The following STAG1 variants were observed in gnomAD, a reference collection of about 807,000 sequenced individuals.
STAG1 encodes the protein cohesin subunit SA-1.
In STAG1, 26 loss-of-function variants were observed where a neutral mutation model predicts 170.9. The observed-to-expected ratio is 0.15, with a 90% CI of 0.11 to 0.21. The LOEUF (loss-of-function observed/expected upper bound fraction) is 0.21. Among genes scored for constraint, STAG1 ranks in the 10% least tolerant of loss-of-function variants. The probability of loss-of-function intolerance (pLI) is 1.00; values close to 1 mark genes in which losing one functional copy is unlikely to be tolerated. For synonymous variants in STAG1, 514 were observed against 497.7 expected (o/e 1.03, Z -0.44); for missense variants, 964 against 1,509.5 (o/e 0.64, Z 5.99).
At chr3:136,740,783 C>T (rs940310194) in intron 1 of STAG1, among the ~76,000 whole-genome samples, 4 of 152,068 alleles carry the variant, frequency 2.6e-5, no homozygotes, top group African/African-American at 4.8e-5. Flanking sequence ...CCTAGCCAAG[C>T]GTTTTCTTAC....
chr3:136,590,337 A>C (rs550446039), intron 4 of STAG1, among the ~76,000 whole-genome samples: 14 of 151,220 alleles, frequency 9.3e-5, no homozygotes, highest in Non-Finnish European at 1.9e-4. Flanking sequence ...AATACACACA[A>C]AAAAAATTAG....
chr3:136,541,328 A>C (rs1226008817), intron 6 of STAG1, among the ~76,000 whole-genome samples: 1 of 152,168 alleles, frequency 6.6e-6, no homozygotes, highest in Non-Finnish European at 1.5e-5. Context: ...AGCCTAATAC[A>C]TAATATAAAT....
chr3:136,690,428 G>C (rs1292330583), intron 1 of STAG1, among the ~76,000 whole-genome samples: 2 of 152,206 alleles, frequency 1.3e-5, no homozygotes, highest in Non-Finnish European at 2.9e-5. Context: ...GTAGAGATGA[G>C]GTTTCACCAT....
chr3:136,481,540 T>TC (rs1160261194), intron 9 of STAG1, among the ~76,000 whole-genome samples: 1 of 108,808 alleles, frequency 9.2e-6, no homozygotes, highest in Non-Finnish European at 1.8e-5. Flanking sequence ...TCTAAAATTC[T>TC]CTTTTTTGGT....
At chr3:136,512,508 G>C (rs987015232) in intron 7 of STAG1, among the ~76,000 whole-genome samples, 1 of 152,026 alleles carries the variant, frequency 6.6e-6, no homozygotes, top group African/African-American at 2.4e-5. Context: ...ATTCATTTTG[G>C]AAGTCCAGAC....
At chr3:136,728,370 G>A (rs1933807908) in intron 1 of STAG1, among the ~76,000 whole-genome samples, 1 of 151,992 alleles carries the variant, frequency 6.6e-6, no homozygotes, top group South Asian at 2.1e-4. Context: ...TGCATTTGTG[G>A]GTATGGGGAA....
intron 22 of STAG1, among the ~76,000 whole-genome samples, chr3:136,389,460 T>A (rs2086952302): frequency 6.6e-6 from 1 of 151,976 alleles, no homozygotes; most frequent in African/African-American, 2.4e-5. Context: ...ACTTGGCTAA[T>A]TTTTTTGTAT....
intron 6 of STAG1, among the ~76,000 whole-genome samples, chr3:136,535,315 C>T (rs193201816): frequency 1.3e-5 from 2 of 152,210 alleles, no homozygotes; most frequent in African/African-American, 2.4e-5. Context: ...TTCTAATGTT[C>T]GATAGCAGGC....
At chr3:136,626,032 GAAAGAGTAGAACTCTGTCTCA>G (rs1179880803) in intron 2 of STAG1, among the ~76,000 whole-genome samples, 1 of 148,678 alleles carries the variant, frequency 6.7e-6, no homozygotes, top group Non-Finnish European at 1.5e-5. Flanking sequence ...CAGCCTGGGC[GAAAGAGTAGAACTCTGTCTCA>G]AAAACAAACA....
At chr3:136,480,726 C>A (rs2089883215) in intron 9 of STAG1, among the ~76,000 whole-genome samples, 1 of 65,246 alleles carries the variant, frequency 1.5e-5, no homozygotes. Context: ...GAATGTTCTT[C>A]CATTTGTTTG....
At chr3:136,536,395 T>C (rs187209433) in intron 6 of STAG1, among the ~76,000 whole-genome samples, 3 of 152,230 alleles carry the variant, frequency 2.0e-5, no homozygotes, top group Admixed American at 2.0e-4. Flanking sequence ...TTCCCAGACA[T>C]TTCAGTATCA....
At chr3:136,704,018 TAACA>T (rs1943153135) in intron 1 of STAG1, among the ~76,000 whole-genome samples, 2 of 147,626 alleles carry the variant, frequency 1.4e-5, no homozygotes, top group African/African-American at 2.5e-5. Flanking sequence ...TCTCAAAAAC[TAACA>T]AACAAAAAAA....
chr3:136,585,477 G>C (rs1937770150), intron 4 of STAG1, among the ~76,000 whole-genome samples: 1 of 151,728 alleles, frequency 6.6e-6, no homozygotes, highest in Non-Finnish European at 1.5e-5. Flanking sequence ...AAATTATCTG[G>C]GCATGGTGGC....
chr3:136,509,539 G>A (rs897467734), intron 7 of STAG1, among the ~76,000 whole-genome samples: 8 of 151,988 alleles, frequency 5.3e-5, no homozygotes, highest in Non-Finnish European at 1.2e-4. Flanking sequence ...GGAAGTTGAC[G>A]GTATGAAGGA....
intron 1 of STAG1, among the ~76,000 whole-genome samples, chr3:136,702,123 CAGAGAG>C (rs1408345782): frequency 1.8e-5 from 1 of 55,672 alleles, no homozygotes; most frequent in Non-Finnish European, 4.2e-5. Flanking sequence ...GAGAGAGAGA[CAGAGAG>C]ACAGAGAGAC....
At chr3:136,464,660 C>T (rs893353322) in intron 13 of STAG1, among the ~76,000 whole-genome samples, 3 of 150,528 alleles carry the variant, frequency 2.0e-5, no homozygotes, top group African/African-American at 7.3e-5. Context: ...GAGAATCATC[C>T]TCTCAGATTT....
At chr3:136,742,890 A>G (rs547809658) in intron 1 of STAG1, among the ~76,000 whole-genome samples, 1 of 152,304 alleles carries the variant, frequency 6.6e-6, no homozygotes, top group South Asian at 2.1e-4. Context: ...TGTATTTATT[A>G]GAAAACAAAA....
In STAG1 at chr3:136,597,837, C is replaced by T. The variant is rs184889859; in HGVS notation, c.297+6472G>A. Among the ~76,000 whole-genome samples the T allele has an allele frequency of 2.9e-3, 446 of 151,356 alleles. 14 individuals are homozygous for T. The highest frequency in any genetic ancestry group is 0.029 in the Admixed American group (445 of 15,142). On this transcript the variant is annotated intron_variant, in intron 4 of 33. Transcript: ENST00000383202. ...GGCTAGGTGTTCCAGTACTGAACAG[C>T]AGTAATAATGCTTATATCCTGGGAA... is the stretch of plus-strand genomic sequence containing the variant.
At chr3:136,652,046 AG>A (rs1160728217) in intron 1 of STAG1, among the ~76,000 whole-genome samples, 1 of 152,260 alleles carries the variant, frequency 6.6e-6, no homozygotes, top group East Asian at 1.9e-4. Flanking sequence ...GGAAAGTCTC[AG>A]AAGAAAGTTT....
Sources: gnomAD v4.1 joint callset for allele counts (sites outside exome capture counted in the v4.1 genomes callset) on GRCh38, gnomAD v4.1.1 for gene constraint, MANE v1.5 for transcripts, NCBI Gene and HGNC (gene_info 2026-07-23, HGNC 2026-07-21) for gene names.